POTEI: variants seen among roughly 807,000 people sequenced by gnomAD.
POTEI encodes the protein POTE ankyrin domain family, member I.
A neutral mutation model predicts 43.4 loss-of-function variants in POTEI; 14 were observed. The ratio of observed to expected loss-of-function variants is 0.32; its 90% confidence interval spans 0.21 to 0.50. POTEI has a LOEUF of 0.50. Among genes scored for constraint, POTEI ranks in the 20% least tolerant of loss-of-function variants. The pLI is 0.98. For synonymous variants in POTEI, 95 were observed against 297.9 expected (o/e 0.32, Z 7.01); for missense variants, 235 against 795.4 (o/e 0.30, Z 8.47).
chr2:130,491,311 TG>T (rs1683724596), intron 6 of POTEI, among the ~76,000 whole-genome samples: 1 of 89,090 alleles, frequency 1.1e-5, no homozygotes, highest in Non-Finnish European at 2.3e-5. Context: ...AAGTTCCTGT[TG>T]TCCTTCAATG....
intron 1 of POTEI, among the ~76,000 whole-genome samples, chr2:130,507,286 A>ATATATATATATATATATATATG (rs1684190241): frequency 2.4e-4 from 2 of 8,222 alleles, no homozygotes; most frequent in African/African-American, 2.8e-4. Context: ...ATATATATAT[A>ATATATATATATATATATATATG]TATATATATA....
At position 130,493,692 on chromosome 2, in the gene POTEI, G is replaced by A. The variant is rs1431834445; in HGVS notation, c.1126+2860C>T. Reference sequence around the variant, plus strand: ...TCAATTATTACTAAATCATATTGACGATACCTCTCTTCTGCCTCTGCTTTA... The same window carrying A: ...TCAATTATTACTAAATCATATTGACAATACCTCTCTTCTGCCTCTGCTTTA... On this transcript the variant is annotated intron_variant, in intron 6 of 14. Coordinates refer to ENST00000451531, the MANE Select transcript of POTEI (RefSeq NM_001277406.2). Among the ~76,000 whole-genome samples, 11 of 37,004 alleles carry A rather than the reference G, an allele frequency of 3.0e-4. 4 individuals carry two copies. The highest frequency in any genetic ancestry group is 8.6e-4 in the African/African-American group (11 of 12,732). The allele number at this position is 37,004 out of a possible 152,430, so 24.3% of individuals were successfully genotyped here.
At chr2:130,506,534 A>G (rs1270959398) in intron 1 of POTEI, among the ~76,000 whole-genome samples, 6 of 113,664 alleles carry the variant, frequency 5.3e-5, no homozygotes, top group Middle Eastern at 4.0e-3. Context: ...TTTGAGATGG[A>G]GTCTCACTCT....
intron 10 of POTEI, among the ~76,000 whole-genome samples, chr2:130,477,556 A>T (rs1163983548): frequency 6.7e-6 from 1 of 149,464 alleles, no homozygotes; most frequent in Non-Finnish European, 1.5e-5. Flanking sequence ...TGATTTTTCT[A>T]CTGCATCTTG....
chr2:130,496,334 C>T (rs552232323), intron 6 of POTEI, among the ~76,000 whole-genome samples: 2,033 of 93,402 alleles, frequency 0.022, 2 homozygotes, highest in African/African-American at 0.053. Context: ...AGAGCTTCCA[C>T]GGATTCTACA....
chr2:130,467,686 C>A (rs1304215314), intron 13 of POTEI, among the ~76,000 whole-genome samples: 19 of 152,112 alleles, frequency 1.2e-4, no homozygotes, highest in African/African-American at 4.6e-4. Flanking sequence ...ACAACTTATA[C>A]AATGGGAAAA....
At position 130,508,876 on chromosome 2, in the gene POTEI, C is replaced by T; in HGVS notation, c.360G>A (p.Trp120Ter). 2 of 1,582,966 alleles carry T rather than the reference C, an allele frequency of 1.3e-6. No individual in the cohort carries two copies. Among genetic ancestry groups the T allele is most frequent in the Non-Finnish European group, 1.7e-6 (2 of 1,169,192 alleles). Reference sequence around the variant, plus strand: ...CGAAGGCGCTGTCGTCGTAGTCTCCCCAAGCACCCACGTTGCTCTTGCCGC... The same window carrying T: ...CGAAGGCGCTGTCGTCGTAGTCTCCTCAAGCACCCACGTTGCTCTTGCCGC... ...RGSGKSNVGA[W>*]GDYDDSAFVE... The change falls in exon 1 of 15, where the codon TGG becomes TGA. Residue 120 changes from tryptophan to a stop codon, truncating the protein, a stop_gained. Coordinates refer to ENST00000451531, the MANE Select transcript of POTEI (RefSeq NM_001277406.2). LOFTEE classifies it high-confidence loss of function.
chr2:130,474,043 T>C (rs1240944524), intron 13 of POTEI, among the ~76,000 whole-genome samples: 2 of 146,592 alleles, frequency 1.4e-5, no homozygotes, highest in Non-Finnish European at 3.0e-5. Flanking sequence ...GTTTATTATG[T>C]GGCTGGTGAA....
intron 1 of POTEI, among the ~76,000 whole-genome samples, chr2:130,507,317 TAC>T (rs56343526): frequency 0.026 from 343 of 12,992 alleles, 38 homozygotes; most frequent in African/African-American, 0.063. Flanking sequence ...TATATATATA[TAC>T]ACACACACAC....
chr2:130,486,773 A>G (rs1370770455), intron 9 of POTEI, among the ~76,000 whole-genome samples: 1 of 100,974 alleles, frequency 9.9e-6, no homozygotes, highest in Non-Finnish European at 2.0e-5. Context: ...AAAATAAATT[A>G]ATTTATATAG....
At position 130,460,326 on chromosome 2, in the gene POTEI, C is replaced by G. The variant is rs1239156676; in HGVS notation, c.*2490G>C. ...GAACCCCCAGCACAGCACAGCCGCT[C>G]TACACAAACGTGGCTAGACTTCTTT... On this transcript the variant is annotated 3_prime_UTR_variant, in exon 15 of 15. Transcript: ENST00000451531. 1 of 152,052 alleles carries G rather than the reference C, an allele frequency of 6.6e-6. No individual in the cohort carries two copies. The highest frequency in any genetic ancestry group is 1.5e-5 in the Non-Finnish European group (1 of 68,076). The allele number at this position is 152,052 out of a possible 1,614,324, so 9.4% of individuals were successfully genotyped here. A position where few individuals can be genotyped will look rare whatever the true frequency, so the allele number is the denominator to read the frequency against.
chr2:130,487,004 A>G (rs2259480), intron 9 of POTEI, among the ~76,000 whole-genome samples: 14,645 of 38,140 alleles, frequency 0.38, 1,972 homozygotes, highest in East Asian at 0.91. Flanking sequence ...AAAATTTAAT[A>G]ACTAGCAATC....
chr2:130,496,683 C>G, intron 5 of POTEI, 61 bp from the exon 6 acceptor site: 1 of 1,526,772 alleles, frequency 6.5e-7, no homozygotes, highest in Non-Finnish European at 8.9e-7. Flanking sequence ...AAAAACTTAC[C>G]AAATGTAGAA....
intron 13 of POTEI, among the ~76,000 whole-genome samples, chr2:130,467,712 C>T (rs147986707): frequency 2.9e-4 from 44 of 151,858 alleles, no homozygotes; most frequent in East Asian, 9.6e-4. Context: ...AAAATTATGA[C>T]GCTAACAAAC....
chr2:130,509,383 G>A, upstream of POTEI: 1 of 386,896 alleles, frequency 2.6e-6, no homozygotes, highest in Non-Finnish European at 4.3e-6. Context: ...CAGCAGGTAA[G>A]CCCAACCCAC....
chr2:130,484,056 A>T (rs1483672855), intron 9 of POTEI, among the ~76,000 whole-genome samples: 1 of 148,608 alleles, frequency 6.7e-6, no homozygotes, highest in Non-Finnish European at 1.5e-5. Context: ...TGAGAAAAAC[A>T]CACAATAACA....
At chr2:130,500,321 TAAC>T (rs1454182165) in intron 4 of POTEI, among the ~76,000 whole-genome samples, 1 of 149,050 alleles carries the variant, frequency 6.7e-6, no homozygotes, top group Non-Finnish European at 1.5e-5. Flanking sequence ...AAACGTCACA[TAAC>T]AAATAACATC....
intron 13 of POTEI, among the ~76,000 whole-genome samples, chr2:130,468,704 G>GTC (rs780514042): frequency 3.9e-5 from 3 of 76,154 alleles, no homozygotes; most frequent in Non-Finnish European, 7.5e-5. Flanking sequence ...CCAAACTATT[G>GTC]GGGGGGGGGG....
rs1310903354 is a variant in POTEI at position 130,467,639 on chromosome 2, A to G, written c.1779-1867T>C. Among the ~76,000 whole-genome samples, 3 of 151,978 alleles carry G rather than the reference A, an allele frequency of 2.0e-5. No individual in the cohort carries two copies. In the East Asian group the frequency reaches 5.8e-4, roughly 29 times the overall value. On this transcript the variant is annotated intron_variant, in intron 13 of 14. Coordinates refer to ENST00000451531, the MANE Select transcript of POTEI (RefSeq NM_001277406.2). ...AATAAATAAGACCTAATTAAACTAA[A>G]AAGCTTCAGCACAGCAAAAGAAATA...
Sources: gnomAD v4.1 joint callset for allele counts (sites outside exome capture counted in the v4.1 genomes callset) on GRCh38, gnomAD v4.1.1 for gene constraint, MANE v1.5 for transcripts, NCBI Gene and HGNC (gene_info 2026-07-23, HGNC 2026-07-21) for gene names.